Variants in UHMK1 observed in about 807,000 individuals in gnomAD.
UHMK1 encodes U2AF homology motif kinase 1, also known as serine/threonine-protein kinase Kist.
A neutral mutation model predicts 44.0 loss-of-function variants in UHMK1; 18 were observed. The ratio of observed to expected loss-of-function variants is 0.41; its 90% CI spans 0.28 to 0.61. The LOEUF is 0.61. UHMK1 is among the 20% of genes least tolerant of loss of function. The pLI is 0.31. For synonymous variants in UHMK1, 231 were observed against 198.5 expected, an observed-to-expected ratio of 1.16 and a Z score of -1.38; for missense variants, 463 against 522.5, an observed-to-expected ratio of 0.89 and a Z score of 1.11.
At chr1:162,505,755 C>G (rs1478850231) in intron 4 of UHMK1, among the ~76,000 whole-genome samples, 2 of 152,138 alleles carry the variant, frequency 1.3e-5, no homozygotes, top group Non-Finnish European at 2.9e-5. Context: ...AATTAGTATG[C>G]TAGAAAAGTA....
rs1381989090 is a variant in UHMK1, at chr1:162,500,421, A to G, written c.561+174A>G. On this transcript the variant is annotated intron_variant, in intron 2 of 7. Coordinates refer to ENST00000489294, the MANE Select transcript of UHMK1 (RefSeq NM_175866.5). ...AATTTCAGTGCCACCGTGTAAAAAA[A>G]GGACATAATGTTTGGGTCAGGTAGG... 7.8e-6 allele frequency: 6 copies of G among 764,628 alleles called. No homozygotes were observed. In the Admixed American group the frequency reaches 1.2e-4, roughly 16 times the overall value. The allele number at this position is 764,628 out of a possible 1,614,324, so 47.4% of individuals were successfully genotyped here. A position where few individuals can be genotyped will look rare whatever the true frequency, so the allele number is the denominator to read the frequency against.
At chr1:162,506,529 C>G (rs1222824165) in intron 4 of UHMK1, among the ~76,000 whole-genome samples, 1 of 152,124 alleles carries the variant, frequency 6.6e-6, no homozygotes, top group Non-Finnish European at 1.5e-5. Context: ...TCCTGTCACC[C>G]TGGAAGTCCT....
rs1022864590 is a variant in UHMK1 at position 162,522,784 on chromosome 1, C to G, written c.*234C>G. ...GTTTTAGAGCATCCATGTGGGCAAC[C>G]CTTTTTTGTGCGGGAGAGCAGGTGT... On this transcript the variant is annotated 3_prime_UTR_variant, in exon 8 of 8. Transcript: ENST00000489294. The G allele has an allele frequency of 7.9e-6, 3 of 378,858 alleles. No homozygotes were observed. Among genetic ancestry groups the G allele is most frequent in the South Asian group, 1.5e-4 (2 of 13,202 alleles). The allele number at this position is 378,858 out of a possible 1,614,324, so 23.5% of individuals were successfully genotyped here.
At chr1:162,519,308 T>G (rs1361316715) in intron 7 of UHMK1, among the ~76,000 whole-genome samples, 2 of 80,302 alleles carry the variant, frequency 2.5e-5, no homozygotes, top group Non-Finnish European at 4.4e-5. Context: ...AGAGCGAGAC[T>G]CCATCTTAAA....
Position 162,498,252 on chromosome 1 carries a change from GGGTCACAGAAA to G in UHMK1, c.253_263del (p.Gly85HisfsTer24), listed in dbSNP as rs1651133894. ...AGAGGGCGGCGCTGGAACAGTTGCAGGGTCACAGAAACATCGGTAATTGCCGCTGTCTCCTT... is the reference window on the plus strand; with the variant it reads ...AGAGGGCGGCGCTGGAACAGTTGCAGCATCGGTAATTGCCGCTGTCTCCTT... On this transcript the variant is annotated frameshift_variant, in exon 1 of 8. Transcript: ENST00000489294. LOFTEE classifies it high-confidence loss of function. 1 of 1,600,496 alleles carries G rather than the reference GGGTCACAGAAA, an allele frequency of 6.2e-7. No homozygotes were observed. The highest frequency in any genetic ancestry group is 1.7e-5 in the Admixed American group (1 of 58,834).
intron 7 of UHMK1, 144 bp from the exon 8 acceptor site, chr1:162,522,260 C>A: frequency 1.2e-6 from 1 of 834,394 alleles, no homozygotes; most frequent in Non-Finnish European, 1.8e-6. Context: ...AGAACAGAAA[C>A]TCAGGCGACA....
Position 162,512,816 on chromosome 1 carries a change from A to G in UHMK1, c.1017A>G (p.Glu339=), listed in dbSNP as rs772849556. ...ATGATTATCTTGAGAATGAAGAGGA[A>G]TATGAAGGTTAGTGTTTTCTAAATT... is the stretch of plus-strand genomic sequence containing the variant. The part of the protein sequence containing the change: ...LDDDYLENEE[E]YEDVVEDVKE... The change falls in exon 6 of 8, where the codon GAA becomes GAG. Residue 339 remains glutamate, a synonymous_variant. Transcript: ENST00000489294. The G allele has an allele frequency of 4.3e-6, 7 of 1,614,038 alleles. No homozygotes were observed. The highest frequency in any genetic ancestry group is 4.5e-5 in the East Asian group (2 of 44,864).
At chr1:162,517,584 T>C (rs1651875826) in intron 6 of UHMK1, among the ~76,000 whole-genome samples, 1 of 152,008 alleles carries the variant, frequency 6.6e-6, no homozygotes, top group African/African-American at 2.4e-5. Flanking sequence ...TTTATAATAA[T>C]GGCAGAATAC....
chr1:162,500,415 A>G (rs1651226473), intron 2 of UHMK1, 168 bp downstream of exon 2: 5 of 767,808 alleles, frequency 6.5e-6, no homozygotes, highest in East Asian at 5.6e-5. Context: ...GCCACCGTGT[A>G]AAAAAAGGAC....
rs1429054908 is a variant in UHMK1 at position 162,526,464 on chromosome 1, G to A, written c.*3914G>A. The stretch of plus-strand genomic sequence containing the variant: ...TTCGGGTACATTGGAATCACATCAT[G>A]ACTTTGAGTCTGATGGCTGTGTAGA... On this transcript the variant is annotated 3_prime_UTR_variant, in exon 8 of 8. Transcript: ENST00000489294. 6.6e-6 allele frequency: 1 copy of A among 152,056 alleles called. No individual in the cohort carries two copies. The highest frequency in any genetic ancestry group is 2.4e-5 in the African/African-American group (1 of 41,408). The allele number at this position is 152,056 out of a possible 1,614,324, so 9.4% of individuals were successfully genotyped here.
At chr1:162,511,189 C>CTTTT (rs142796500) in intron 4 of UHMK1, among the ~76,000 whole-genome samples, 8 of 100,984 alleles carry the variant, frequency 7.9e-5, no homozygotes, top group Non-Finnish European at 1.3e-4. Flanking sequence ...TTTTCTTTTT[C>CTTTT]TTTTTTTTTT....
chr1:162,509,455 C>A (rs773078335), intron 4 of UHMK1, among the ~76,000 whole-genome samples: 1 of 152,092 alleles, frequency 6.6e-6, no homozygotes, highest in Non-Finnish European at 1.5e-5. Flanking sequence ...AATGTATAAC[C>A]CCTTATAGTT....
intron 4 of UHMK1, among the ~76,000 whole-genome samples, chr1:162,511,057 C>T (rs1439948107): frequency 6.6e-6 from 1 of 151,920 alleles, no homozygotes; most frequent in African/African-American, 2.4e-5. Context: ...TTGAGCATTT[C>T]TCATATACTG....
In UHMK1 at chr1:162,528,066, C is replaced by A. The variant is rs1652310459; in HGVS notation, c.*5516C>A. The A allele has an allele frequency of 1.3e-5, 2 of 151,950 alleles. No homozygotes were observed. The highest frequency in any genetic ancestry group is 4.1e-4 in the South Asian group (2 of 4,826). 9.4% of individuals were successfully genotyped at this position (151,950 alleles called of 1,614,324 possible). ...GAATTGCTTTCCCCTTCTAAGTTAT[C>A]TTCCCTTAATAATATTTATGATACC... On this transcript the variant is annotated 3_prime_UTR_variant, in exon 8 of 8. Coordinates refer to ENST00000489294, the MANE Select transcript of UHMK1 (RefSeq NM_175866.5).
chr1:162,503,602 C>A (rs1049303344), intron 3 of UHMK1, 152 bp from the exon 4 acceptor site: 232 of 552,048 alleles, frequency 4.2e-4, no homozygotes, highest in Middle Eastern at 9.3e-4. Flanking sequence ...CAGAGCAAGA[C>A]CCTGTCTCCA....
At chr1:162,522,297 C>A in intron 7 of UHMK1, 107 bp from the exon 8 acceptor site, 1 of 1,324,290 alleles carries the variant, frequency 7.6e-7, no homozygotes, top group Non-Finnish European at 1.0e-6. Flanking sequence ...GCAAAATCTG[C>A]ATTTTAATAA....
At chr1:162,514,024 A>T (rs1651753945) in intron 6 of UHMK1, among the ~76,000 whole-genome samples, 1 of 152,206 alleles carries the variant, frequency 6.6e-6, no homozygotes, top group Admixed American at 6.5e-5. Context: ...AGTGGACTAA[A>T]ACAGGGCCAA....
chr1:162,503,328 T>C (rs2101671279), intron 3 of UHMK1, among the ~76,000 whole-genome samples: 1 of 152,014 alleles, frequency 6.6e-6, no homozygotes, highest in Middle Eastern at 3.4e-3. Flanking sequence ...TGTAGGCTCT[T>C]GCTGGGCACG....
chr1:162,503,611 CAAAAAAA>C (rs33964112), intron 3 of UHMK1, 136 bp from the exon 4 acceptor site: 737 of 357,752 alleles, frequency 2.1e-3, no homozygotes, highest in Middle Eastern at 4.0e-3. Context: ...ACCCTGTCTC[CAAAAAAA>C]AAAAAAAAAA....
Sources: allele counts gnomAD v4.1 joint callset (sites outside exome capture counted in the v4.1 genomes callset), GRCh38; gene constraint gnomAD v4.1.1; transcripts MANE v1.5; gene names NCBI Gene and HGNC (gene_info 2026-07-23, HGNC 2026-07-21).